ACTR5: variants seen among roughly 807,000 people sequenced by gnomAD.
The protein encoded by ACTR5 is actin-related protein 5.
Under a neutral mutation model 61.2 loss-of-function variants are expected in ACTR5, and 43 were observed. The observed-to-expected ratio is 0.70, with a 90% CI of 0.55 to 0.91. The LOEUF is 0.91. Among genes scored for constraint, ACTR5 ranks in the 40% least tolerant of loss-of-function variants. The probability of loss-of-function intolerance (pLI) is 0.00; values close to 1 mark genes in which losing one functional copy is unlikely to be tolerated. For synonymous variants in ACTR5, 333 were observed against 310.5 expected (o/e 1.07, Z -0.76); for missense variants, 798 against 782.2 (o/e 1.02, Z -0.24).
At chr20:38,767,335 GAT>G in intron 7 of ACTR5, 127 bp from the exon 8 acceptor site, 22 of 810,706 alleles carry the variant, frequency 2.7e-5, no homozygotes, top group Non-Finnish European at 3.9e-5. Context: ...TGAAAGTTTT[GAT>G]TTTTTTTTTT....
At position 38,767,473 on chromosome 20, in the gene ACTR5, G is replaced by A. The variant is rs2084494203; in HGVS notation, c.1443G>A (p.Lys481=). 1 of 1,613,682 alleles carries A rather than the reference G, an allele frequency of 6.2e-7. No homozygotes were observed. Among genetic ancestry groups the A allele is most frequent in the Non-Finnish European group, 8.5e-7 (1 of 1,179,904 alleles). ...GTTGTTTCTTTCCTAGGTACCCAAA[G>A]GACATTCAGGAAATGCTGGTTCAGA... The part of the protein sequence containing the change: ...TLQYILDRYP[K]DIQEMLVQNV... Residue 481 remains lysine, a synonymous_variant, in exon 8 of 9, where the codon AAG becomes AAA. Transcript: ENST00000243903.
chr20:38,764,196 C>T (rs997459944), intron 5 of ACTR5, among the ~76,000 whole-genome samples: 3 of 152,000 alleles, frequency 2.0e-5, no homozygotes, highest in African/African-American at 7.3e-5. Context: ...TCATAAATTC[C>T]GAGAGTAAGG....
Position 38,748,786 on chromosome 20 carries a change from C to A in ACTR5, c.308C>A (p.Pro103Gln), listed in dbSNP as rs766139317. Residue 103 changes from proline to glutamine, a missense_variant, in exon 1 of 9, where the codon CCG becomes CAG. By Grantham distance (76) the Pro-to-Gln change is moderately conservative. Transcript: ENST00000243903. ...CGCTCGCCCTTCGACCGCAACGTGC[C>A]GGTCAACCTGGAGCTTCAGGAGTTG... ...MLRSPFDRNVPVNLELQELLL... is the reference protein window; with the variant it reads ...MLRSPFDRNVQVNLELQELLL... 1.9e-6 allele frequency: 3 copies of A among 1,609,050 alleles called. No individual in the cohort carries two copies. The highest frequency in any genetic ancestry group is 2.5e-6 in the Non-Finnish European group (3 of 1,178,986).
chr20:38,754,309 G>T (rs1430031178), intron 3 of ACTR5, among the ~76,000 whole-genome samples: 1 of 152,072 alleles, frequency 6.6e-6, no homozygotes, highest in Non-Finnish European at 1.5e-5. Flanking sequence ...AGGCCTGCTG[G>T]CATTATGTCC....
chr20:38,766,345 G>A lies in ACTR5; in HGVS notation c.1401G>A (p.Gly467=), dbSNP rs151070334. Reference sequence around the variant, plus strand: ...CTCTCATAGGAGAAGAACAGGCTGGGATTGCAGAGACTCTTCAGTACATTC... The same window carrying A: ...CTCTCATAGGAGAAGAACAGGCTGGAATTGCAGAGACTCTTCAGTACATTC... The part of the protein sequence containing the change: ...QPSLIGEEQA[G]IAETLQYILD... The change falls in exon 7 of 9, where the codon GGG becomes GGA. Residue 467 remains glycine, a synonymous_variant. Transcript: ENST00000243903. 4.5e-3 allele frequency: 7,266 copies of A among 1,612,784 alleles called. 20 individuals carry two copies. Among genetic ancestry groups the A allele is most frequent in the Non-Finnish European group, 5.7e-3 (6,725 of 1,179,708 alleles).
chr20:38,748,963 G>C (rs2084369961), intron 1 of ACTR5, 110 bp downstream of exon 1: 1 of 1,357,102 alleles, frequency 7.4e-7, no homozygotes, highest in Non-Finnish European at 9.8e-7. Context: ...AGCTCCGATT[G>C]TCTTTTAGTC....
chr20:38,768,110 C>T (rs1269033639), intron 8 of ACTR5, among the ~76,000 whole-genome samples: 1 of 152,166 alleles, frequency 6.6e-6, no homozygotes, highest in Non-Finnish European at 1.5e-5. Flanking sequence ...TGCTTTGCTG[C>T]ATGATGTCGT....
At chr20:38,754,800 A>G (rs1568634867) in intron 3 of ACTR5, among the ~76,000 whole-genome samples, 157 bp from the exon 4 acceptor site, 1 of 152,024 alleles carries the variant, frequency 6.6e-6, no homozygotes, top group African/African-American at 2.4e-5. Flanking sequence ...TGTGTTAGCC[A>G]GGATGGTCTT....
chr20:38,751,424 A>G (rs753069018), intron 2 of ACTR5, among the ~76,000 whole-genome samples: 18 of 152,354 alleles, frequency 1.2e-4, no homozygotes, highest in South Asian at 4.1e-4. Context: ...GAAGTTCTCT[A>G]TGTAAACAGA....
At position 38,771,990 on chromosome 20, in the gene ACTR5, G is replaced by A; in HGVS notation, c.*174G>A. 6.4e-6 allele frequency: 6 copies of A among 939,082 alleles called. No individual in the cohort carries two copies. The highest frequency in any genetic ancestry group is 9.3e-6 in the Non-Finnish European group (6 of 648,586). 58.2% of individuals were successfully genotyped at this position (939,082 alleles called of 1,614,324 possible). ...AAGGGACACTGAGACCTGCCCTTCAGAATTCGGTTCACTTGGGGGCTTCTG... is the reference window on the plus strand; with the variant it reads ...AAGGGACACTGAGACCTGCCCTTCAAAATTCGGTTCACTTGGGGGCTTCTG... On this transcript the variant is annotated 3_prime_UTR_variant, in exon 9 of 9. Coordinates refer to ENST00000243903, the MANE Select transcript of ACTR5 (RefSeq NM_024855.4).
chr20:38,760,969 C>G (rs141359322), intron 5 of ACTR5, among the ~76,000 whole-genome samples: 25 of 151,916 alleles, frequency 1.6e-4, no homozygotes, highest in African/African-American at 5.8e-4. Context: ...GGATGTTGAG[C>G]AAGGGAATGA....
Position 38,756,024 on chromosome 20 carries a change from A to G in ACTR5, c.1161A>G (p.Val387=). 1 of 1,612,826 alleles carries G rather than the reference A, an allele frequency of 6.2e-7. No individual in the cohort carries two copies. The highest frequency in any genetic ancestry group is 8.5e-7 in the Non-Finnish European group (1 of 1,179,854). ...QAEVNLEVDV[V]DSKPETPDLE... ...AAGTCAACCTCGAGGTGGATGTGGTAGACAGCAAGCCAGAGGTAACTTAGG... is the reference window on the plus strand; with the variant it reads ...AAGTCAACCTCGAGGTGGATGTGGTGGACAGCAAGCCAGAGGTAACTTAGG... Residue 387 remains valine, a synonymous_variant, in exon 5 of 9, where the codon GTA becomes GTG. Transcript: ENST00000243903.
At chr20:38,768,750 G>C (rs1370887034) in intron 8 of ACTR5, among the ~76,000 whole-genome samples, 1 of 152,154 alleles carries the variant, frequency 6.6e-6, no homozygotes, top group Non-Finnish European at 1.5e-5. Context: ...CAATATCCAA[G>C]TTCCCAGATG....
At position 38,771,542 on chromosome 20, in the gene ACTR5, G is replaced by T. The variant is rs770766147; in HGVS notation, c.1567-17G>T. The T allele has an allele frequency of 4.4e-6, 7 of 1,605,282 alleles. No homozygotes were observed. The highest frequency in any genetic ancestry group is 1.7e-6 in the Non-Finnish European group (2 of 1,174,704). On this transcript the variant is annotated splice_polypyrimidine_tract_variant and intron_variant, in intron 8 of 8. Transcript: ENST00000243903. ...GGAGCCCTGGTGGAGGTGTCCTGGTGAATCTTTGTGTTTCAGGTTCAACTT... is the reference window on the plus strand; with the variant it reads ...GGAGCCCTGGTGGAGGTGTCCTGGTTAATCTTTGTGTTTCAGGTTCAACTT...
chr20:38,754,772 G>T (rs1188496749), intron 3 of ACTR5, among the ~76,000 whole-genome samples, 185 bp from the exon 4 acceptor site: 1 of 151,972 alleles, frequency 6.6e-6, no homozygotes, highest in Non-Finnish European at 1.5e-5. Flanking sequence ...TGTATTTTTA[G>T]TAGAGACAGG....
chr20:38,767,814 C>G (rs1356401960), intron 8 of ACTR5, among the ~76,000 whole-genome samples: 1 of 152,146 alleles, frequency 6.6e-6, no homozygotes, highest in Non-Finnish European at 1.5e-5. Context: ...GCGTAGAATT[C>G]TAAGAGTGTG....
chr20:38,772,177 A>G lies in ACTR5; in HGVS notation c.*361A>G, dbSNP rs2145680826. ...TTTAGTCTTTCTTGTTTTAAAAAAAATTCTTTAAAATTTATCTTGTCCGTG... is the reference window on the plus strand; with the variant it reads ...TTTAGTCTTTCTTGTTTTAAAAAAAGTTCTTTAAAATTTATCTTGTCCGTG... On this transcript the variant is annotated 3_prime_UTR_variant, in exon 9 of 9. Transcript: ENST00000243903. The G allele has an allele frequency of 4.4e-6, 1 of 228,466 alleles. No individual in the cohort carries two copies. Among genetic ancestry groups the G allele is most frequent in the Middle Eastern group, 1.6e-3 (1 of 624 alleles). The allele number at this position is 228,466 out of a possible 1,614,324, so 14.2% of individuals were successfully genotyped here.
Position 38,766,290 on chromosome 20 carries a change from T to C in ACTR5, c.1346T>C (p.Ile449Thr), listed in dbSNP as rs34733925. The change falls in exon 7 of 9, where the codon ATT becomes ACT. Residue 449 changes from isoleucine (I) to threonine (T), a missense_variant. By Grantham distance (89) the Ile-to-Thr change is moderately conservative. Transcript: ENST00000243903. The stretch of plus-strand genomic sequence containing the variant: ...CAGCTATTTGTTGGGACAGAAAGAA[T>C]TCGAGCTCCAGAGATTATTTTCCAG... ...YHQLFVGTER[I>T]RAPEIIFQPS... 978 of 1,614,080 alleles carry C rather than the reference T, an allele frequency of 6.1e-4. 3 individuals carry two copies. The African/African-American group carries it at 0.011, about 19-fold the overall frequency.
chr20:38,749,134 G>T (rs2084371151), intron 1 of ACTR5, among the ~76,000 whole-genome samples: 1 of 152,190 alleles, frequency 6.6e-6, no homozygotes, highest in Admixed American at 6.5e-5. Flanking sequence ...TAGGCATTTG[G>T]AGTACATGTG....
Sources: gnomAD v4.1 joint callset for allele counts (sites outside exome capture counted in the v4.1 genomes callset) on GRCh38, gnomAD v4.1.1 for gene constraint, MANE v1.5 for transcripts, NCBI Gene and HGNC (gene_info 2026-07-23, HGNC 2026-07-21) for gene names.